The following SEMA3A variants were observed in gnomAD, a reference collection of about 807,000 sequenced individuals.
SEMA3A encodes semaphorin 3A, also known as semaphorin-3A.
SEMA3A carries 29 observed loss-of-function variants against 97.9 expected under a neutral mutation model. The observed-to-expected ratio is 0.30, with a 90% CI of 0.22 to 0.40. SEMA3A has a LOEUF of 0.40. Ranked by LOEUF, SEMA3A falls within the 10% of genes least tolerant of loss-of-function variation. SEMA3A has a pLI of 1.00. For missense variants in SEMA3A, 763 were observed against 951.3 expected, an observed-to-expected ratio of 0.80 and a Z score of 2.60; for synonymous variants, 321 against 323.7, an observed-to-expected ratio of 0.99 and a Z score of 0.09.
At chr7:84,086,270 G>A (rs950354691) in intron 4 of SEMA3A, among the ~76,000 whole-genome samples, 9 of 151,652 alleles carry the variant, frequency 5.9e-5, no homozygotes, top group South Asian at 2.1e-4. Flanking sequence ...TCCTGTGCTC[G>A]TTCCTACAAC....
rs1432139349 is a variant in SEMA3A, at chr7:84,158,186, A to C, written c.113-23235T>G. On this transcript the variant is annotated intron_variant, in intron 1 of 16. Coordinates refer to ENST00000265362, the MANE Select transcript of SEMA3A (RefSeq NM_006080.3). ...TTTTTTTTTTTTGAGATGGAGTCTC[A>C]CTCTGTTGCCCAGGCTGGAGTGCAG... Among the ~76,000 whole-genome samples, 4 of 113,432 alleles carry C rather than the reference A, an allele frequency of 3.5e-5. No homozygotes were observed. In the Admixed American group the frequency reaches 5.4e-4, roughly 15 times the overall value. The allele number at this position is 113,432 out of a possible 152,430, so 74.4% of individuals were successfully genotyped here. A position where few individuals can be genotyped will look rare whatever the true frequency, so the allele number is the denominator to read the frequency against.
intron 3 of SEMA3A, among the ~76,000 whole-genome samples, chr7:84,202,736 T>A (rs1156467269): frequency 1.3e-5 from 2 of 152,196 alleles, no homozygotes; most frequent in Admixed American, 1.3e-4. Context: ...TTTTGAGATA[T>A]GTTTAGGCGC....
intron 1 of SEMA3A, among the ~76,000 whole-genome samples, chr7:84,421,399 G>T (rs1413059357): frequency 6.6e-6 from 1 of 151,996 alleles, no homozygotes; most frequent in Non-Finnish European, 1.5e-5. Context: ...TAAGCAAAGG[G>T]ACACTAGACA....
intron 3 of SEMA3A, among the ~76,000 whole-genome samples, chr7:84,270,268 A>T (rs1052309770): frequency 6.6e-6 from 1 of 152,044 alleles, no homozygotes. Context: ...AAACTGAAAC[A>T]TCTGTGTGTC....
intron 2 of SEMA3A, among the ~76,000 whole-genome samples, chr7:84,336,098 G>A (rs1355141340): frequency 1.3e-5 from 2 of 152,042 alleles, no homozygotes; most frequent in African/African-American, 4.8e-5. Context: ...AAATATCAGA[G>A]CACCTTCTTC....
chr7:84,239,528 T>A (rs1799311714), intron 3 of SEMA3A, among the ~76,000 whole-genome samples: 1 of 150,732 alleles, frequency 6.6e-6, no homozygotes, highest in Admixed American at 6.6e-5. Flanking sequence ...GAACAATTTT[T>A]GAGAGTCTTG....
At position 84,249,362 on chromosome 7, in the gene SEMA3A, G is replaced by A. The variant is rs113510585; in HGVS notation, c.-82-54694C>T. On this transcript the variant is annotated intron_variant, in intron 3 of 3. Transcript: ENST00000424555. ...GGTCACAGTCTCTCTCTCTCTCTCT[G>A]TCTATCATCTATCTATCTATCTATC... 1.2e-3 allele frequency among the ~76,000 whole-genome samples: 140 copies of A among 113,496 alleles called. 1 individual carries two copies. Among genetic ancestry groups the A allele is most frequent in the African/African-American group, 4.0e-3 (130 of 32,662 alleles). The allele number at this position is 113,496 out of a possible 152,430, so 74.5% of individuals were successfully genotyped here.
chr7:84,412,455 T>C (rs759210074), intron 1 of SEMA3A, among the ~76,000 whole-genome samples: 1 of 152,180 alleles, frequency 6.6e-6, no homozygotes, highest in African/African-American at 2.4e-5. Context: ...AGGGGTCACA[T>C]TTTTACATTC....
chr7:83,985,450 G>C lies in SEMA3A; in HGVS notation c.1480C>G (p.Leu494Val), dbSNP rs752274156. The change falls in exon 13 of 17, where the codon CTT becomes GTT. Residue 494 changes from leucine to valine, a missense_variant. Physicochemically the swap from Leu to Val is conservative, Grantham distance 32. This residue lies in a region of SEMA3A where 678 missense variants were observed against 881.3 expected (regional missense o/e 0.77). Coordinates refer to ENST00000265362, the MANE Select transcript of SEMA3A (RefSeq NM_006080.3). Reference sequence around the variant, plus strand: ...AATGATAGTACCTGCTTAGTGGAAAGCTCCATTGCTGAAATAGCAGTCGGT... The same window carrying C: ...AATGATAGTACCTGCTTAGTGGAAACCTCCATTGCTGAAATAGCAGTCGGT... ...REPTAISAME[L>V]STKQQQLYIG... is the part of the protein sequence containing the mutation. 2 of 1,610,814 alleles carry C rather than the reference G, an allele frequency of 1.2e-6. No individual in the cohort carries two copies. Among genetic ancestry groups the C allele is most frequent in the South Asian group, 2.2e-5 (2 of 90,816 alleles).
At chr7:84,138,399 A>C (rs894750776) in intron 1 of SEMA3A, among the ~76,000 whole-genome samples, 2 of 152,104 alleles carry the variant, frequency 1.3e-5, no homozygotes, top group African/African-American at 4.8e-5. Flanking sequence ...TGTATTCTCA[A>C]TTCTAAATAA....
intron 2 of SEMA3A, among the ~76,000 whole-genome samples, chr7:84,364,353 A>G (rs577393682): frequency 7.2e-5 from 11 of 151,868 alleles, no homozygotes; most frequent in African/African-American, 2.6e-4. Context: ...ACACAAATAT[A>G]TAAAACGATT....
At chr7:83,980,623 A>AAAATAT (rs1310318006) in intron 14 of SEMA3A, among the ~76,000 whole-genome samples, 64 of 71,736 alleles carry the variant, frequency 8.9e-4, no homozygotes, top group African/African-American at 1.2e-3. Context: ...AAAAAAAAAA[A>AAAATAT]ATATATATAT....
chr7:83,963,707 G>T (rs1788568652), intron 15 of SEMA3A, among the ~76,000 whole-genome samples: 1 of 152,132 alleles, frequency 6.6e-6, no homozygotes, highest in South Asian at 2.1e-4. Flanking sequence ...GACTAATAGG[G>T]CCAGTTTGTA....
intron 1 of SEMA3A, among the ~76,000 whole-genome samples, chr7:84,409,941 A>T (rs1225723430): frequency 6.6e-6 from 1 of 152,260 alleles, no homozygotes; most frequent in East Asian, 1.9e-4. Context: ...TACTGAAATA[A>T]ATGTAAATTT....
intron 1 of SEMA3A, among the ~76,000 whole-genome samples, chr7:84,425,074 T>C (rs1264988722): frequency 9.4e-6 from 1 of 106,916 alleles, no homozygotes; most frequent in Non-Finnish European, 1.7e-5. Context: ...TTTATAAATA[T>C]AATTTATATT....
chr7:84,029,343 T>C (rs1020721192), intron 6 of SEMA3A, among the ~76,000 whole-genome samples: 13 of 152,174 alleles, frequency 8.5e-5, no homozygotes, highest in African/African-American at 2.9e-4. Context: ...TTTTTGTCCA[T>C]TGCAGATTGT....
intron 4 of SEMA3A, among the ~76,000 whole-genome samples, chr7:84,081,576 G>A (rs1794163248): frequency 7.4e-6 from 1 of 134,760 alleles, no homozygotes; most frequent in Admixed American, 8.5e-5. Flanking sequence ...CTGGGCGACA[G>A]AGCGAGACTC....
chr7:84,472,033 C>T (rs969363717), intron 1 of SEMA3A, among the ~76,000 whole-genome samples: 8 of 151,670 alleles, frequency 5.3e-5, no homozygotes, highest in Admixed American at 3.3e-4. Flanking sequence ...AAGAGACTAA[C>T]TCAATGAATA....
intron 3 of SEMA3A, among the ~76,000 whole-genome samples, chr7:84,202,803 T>C (rs1023761557): frequency 7.9e-5 from 12 of 152,220 alleles, no homozygotes. Context: ...TACAGATGTA[T>C]ATTCCTAGTC....
Sources: allele counts gnomAD v4.1 joint callset (sites outside exome capture counted in the v4.1 genomes callset), GRCh38; gene constraint gnomAD v4.1.1; regional missense constraint gnomAD v4.1.1; transcripts MANE v1.5; gene names NCBI Gene and HGNC (gene_info 2026-07-23, HGNC 2026-07-21).